Variants in ZNF614 observed in about 807,000 individuals in gnomAD.
ZNF614 encodes zinc finger protein 614.
ZNF614 carries 11 observed loss-of-function variants against 12.8 expected under a neutral mutation model. That is an observed-to-expected ratio of 0.86 (90% CI 0.54 to 1.43). ZNF614 has a LOEUF of 1.43. ZNF614 is among the 40% of genes most tolerant of loss of function. The pLI is 0.00. For missense variants in ZNF614, 664 were observed against 708.8 expected (o/e 0.94, Z 0.72); for synonymous variants, 237 against 237.5 (o/e 1.00, Z 0.02).
Position 52,016,332 on chromosome 19 carries a change from T to C in ZNF614, c.1266A>G (p.Thr422=). 6.2e-7 allele frequency: 1 copy of C among 1,610,596 alleles called. No individual in the cohort carries two copies. Residue 422 remains threonine, a synonymous_variant, in exon 5 of 5, where the codon ACA becomes ACG. Transcript: ENST00000270649. ...RTLVIHQRTH[T]GEKSYICNEC... ...CATTGCATATGTAAGATTTCTCTCCTGTATGAGTTCGCTGATGTATAACGA... is the reference window on the plus strand; with the variant it reads ...CATTGCATATGTAAGATTTCTCTCCCGTATGAGTTCGCTGATGTATAACGA...
chr19:52,016,193 A>T lies in ZNF614; in HGVS notation c.1405T>A (p.Cys469Ser), dbSNP rs758623266. The change falls in exon 5 of 5, where the codon TGC becomes AGC. Residue 469 changes from cysteine to serine, a missense_variant. Coordinates refer to ENST00000270649, the MANE Select transcript of ZNF614 (RefSeq NM_025040.4). ...ECGKAFSQKICLIQHERCHTG... is the reference protein window; with the variant it reads ...ECGKAFSQKISLIQHERCHTG... ...TGACATCTCTCATGTTGTATGAGGC[A>T]TATTTTCTGGCTGAAGGCTTTACCA... 7.4e-6 allele frequency: 12 copies of T among 1,613,922 alleles called. No individual in the cohort carries two copies. The highest frequency in any genetic ancestry group is 1.0e-5 in the Non-Finnish European group (12 of 1,179,936).
At chr19:52,018,213 C>T in intron 3 of ZNF614, 110 bp from the exon 4 acceptor site, 1 of 1,458,810 alleles carries the variant, frequency 6.9e-7, no homozygotes, top group South Asian at 1.2e-5. Context: ...AGCATTCTGT[C>T]TTAGAAGAGA....
Position 52,018,409 on chromosome 19 carries a change from C to A in ZNF614, c.101G>T (p.Arg34Leu). ...LLDTAQKNLY[R>L]DVMVENYNHL... ...GTTATAGTTCTCCACCATCACATCC[C>A]GGTACAGGTTCTTCTGAGCAGTGTC... is the stretch of plus-strand genomic sequence containing the variant. Residue 34 changes from arginine (R) to leucine (L), a missense_variant, in exon 3 of 5, where the codon CGG becomes CTG. Physicochemically the swap from Arg to Leu is moderately radical, Grantham distance 102. Transcript: ENST00000270649. The A allele has an allele frequency of 1.2e-6, 2 of 1,614,132 alleles. No individual in the cohort carries two copies. The highest frequency in any genetic ancestry group is 2.2e-5 in the South Asian group (2 of 91,074).
chr19:52,025,672 T>G, intron 2 of ZNF614, 59 bp downstream of exon 2: 3 of 1,590,188 alleles, frequency 1.9e-6, no homozygotes, highest in Non-Finnish European at 2.6e-6. Context: ...CTTCCTTAAG[T>G]TCAACTGACT....
intron 1 of ZNF614, among the ~76,000 whole-genome samples, 155 bp from the exon 2 acceptor site, chr19:52,026,116 T>C (rs985130535): frequency 2.0e-5 from 3 of 152,260 alleles, no homozygotes; most frequent in African/African-American, 7.2e-5. Flanking sequence ...GTGTGAAATC[T>C]ATGCCTTTCT....
At chr19:52,023,135 C>T (rs994002597) in intron 2 of ZNF614, among the ~76,000 whole-genome samples, 7 of 148,568 alleles carry the variant, frequency 4.7e-5, no homozygotes, top group African/African-American at 9.8e-5. Context: ...GGCGACAGAG[C>T]GAGACTCTGT....
chr19:52,017,999 C>T lies in ZNF614; in HGVS notation c.238+9G>A, dbSNP rs1432570874. On this transcript the variant is annotated intron_variant, in intron 4 of 4. Coordinates refer to ENST00000270649, the MANE Select transcript of ZNF614 (RefSeq NM_025040.4). Reference sequence around the variant, plus strand: ...CCTATAGCCACTGTCCTTGCTGGTTCTCACTTACCTGGACAATTTTTATTC... The same window carrying T: ...CCTATAGCCACTGTCCTTGCTGGTTTTCACTTACCTGGACAATTTTTATTC... 2 of 1,609,156 alleles carry T rather than the reference C, an allele frequency of 1.2e-6. No homozygotes were observed. The highest frequency in any genetic ancestry group is 1.7e-6 in the Non-Finnish European group (2 of 1,176,112).
At chr19:52,017,941 G>A (rs2086910601) in intron 4 of ZNF614, 67 bp downstream of exon 4, 14 of 1,247,914 alleles carry the variant, frequency 1.1e-5, no homozygotes, top group Non-Finnish European at 1.6e-5. Flanking sequence ...CTTCATATAT[G>A]TGACACCTTT....
intron 3 of ZNF614, 130 bp downstream of exon 3, chr19:52,018,238 G>A (rs2086912659): frequency 6.8e-7 from 1 of 1,480,646 alleles, no homozygotes; most frequent in Non-Finnish European, 9.4e-7. Flanking sequence ...ACCACTTTGG[G>A]GTCAGAGAGG....
Position 52,017,114 on chromosome 19 carries a change from C to T in ZNF614, c.484G>A (p.Glu162Lys), listed in dbSNP as rs775740811. The change falls in exon 5 of 5, where the codon GAG becomes AAG. Residue 162 changes from glutamate (E) to lysine (K), a missense_variant. Glu to Lys is a moderately conservative substitution (Grantham distance 56). Coordinates refer to ENST00000270649, the MANE Select transcript of ZNF614 (RefSeq NM_025040.4). ...TGCTTACCATGTAGAAGTGTTTTCTCACCTCCAATAAACTCAACAGGGTTA... is the reference window on the plus strand; with the variant it reads ...TGCTTACCATGTAGAAGTGTTTTCTTACCTCCAATAAACTCAACAGGGTTA... ...INNPVEFIGG[E>K]KTLLHGKHER... 1.2e-6 allele frequency: 2 copies of T among 1,614,188 alleles called. No homozygotes were observed. The highest frequency in any genetic ancestry group is 1.7e-6 in the Non-Finnish European group (2 of 1,180,026).
chr19:52,021,165 C>G (rs2123123822), intron 2 of ZNF614, among the ~76,000 whole-genome samples: 1 of 152,292 alleles, frequency 6.6e-6, no homozygotes, highest in East Asian at 1.9e-4. Flanking sequence ...AGGACCTCAA[C>G]TAAACTACCT....
chr19:52,025,832 C>T lies in ZNF614; in HGVS notation c.-87G>A. ...TTGCCATGAAGTTTTTGAAGTTTTC[C>T]TAGTCAGAAATATTAGTGTCCACTT... On this transcript the variant is annotated 5_prime_UTR_variant, in exon 2 of 5. Transcript: ENST00000270649. The T allele has an allele frequency of 6.8e-7, 1 of 1,480,926 alleles. No homozygotes were observed. Among genetic ancestry groups the T allele is most frequent in the Non-Finnish European group, 9.3e-7 (1 of 1,076,692 alleles). The allele number at this position is 1,480,926 out of a possible 1,614,324, so 91.7% of individuals were successfully genotyped here.
rs776955842 is a variant in ZNF614, at chr19:52,016,818, T to C, written c.780A>G (p.Ile260Met). The C allele has an allele frequency of 6.2e-7, 1 of 1,613,878 alleles. No individual in the cohort carries two copies. The highest frequency in any genetic ancestry group is 1.7e-5 in the Admixed American group (1 of 60,000). The stretch of plus-strand genomic sequence containing the variant: ...TAGAGCCTTTTCTATATTCATTGGG[T>C]ATACAGATTTTGTCTGTTGTATTAG... Reference protein sequence around the residue: ...LKTNTTDKICIPNEYRKGSTV... With the variant: ...LKTNTTDKICMPNEYRKGSTV... The change falls in exon 5 of 5, where the codon ATA (isoleucine) becomes ATG (methionine). Residue 260 changes from isoleucine (I) to methionine (M), a missense_variant. Physicochemically the swap from Ile to Met is conservative, Grantham distance 10. Coordinates refer to ENST00000270649, the MANE Select transcript of ZNF614 (RefSeq NM_025040.4).
Position 52,018,093 on chromosome 19 carries a change from A to G in ZNF614, c.153T>C (p.Thr51=). 6.2e-7 allele frequency: 1 copy of G among 1,613,974 alleles called. No individual in the cohort carries two copies. The highest frequency in any genetic ancestry group is 8.5e-7 in the Non-Finnish European group (1 of 1,179,886). Reference sequence around the variant, plus strand: ...ACTTGGAGAGTACATCTGGTTTGCTAGTTTGATACCCTGTTCATGAGGAAA... The same window carrying G: ...ACTTGGAGAGTACATCTGGTTTGCTGGTTTGATACCCTGTTCATGAGGAAA... The part of the protein sequence containing the change: ...YNHLVSLGYQ[T]SKPDVLSKLA... Residue 51 remains threonine (T), a synonymous_variant, in exon 4 of 5, where the codon ACT becomes ACC. Transcript: ENST00000270649.
intron 4 of ZNF614, chr19:52,017,631 G>T: frequency 2.6e-6 from 1 of 384,594 alleles, no homozygotes; most frequent in Non-Finnish European, 4.6e-6. Flanking sequence ...ATCCCAGGAG[G>T]ACGAGGTTGC....
Position 52,021,871 on chromosome 19 carries a change from A to G in ZNF614, c.16-3377T>C, listed in dbSNP as rs188800227. 3.0e-3 allele frequency among the ~76,000 whole-genome samples: 456 copies of G among 152,376 alleles called. 3 individuals are homozygous for G. Among genetic ancestry groups the G allele is most frequent in the Middle Eastern group, 0.017 (5 of 294 alleles). On this transcript the variant is annotated intron_variant, in intron 2 of 4. Coordinates refer to ENST00000270649, the MANE Select transcript of ZNF614 (RefSeq NM_025040.4). ...GTAAGACTCTAGAAAAATATTTGCA[A>G]CATATAAAAGAATCAATATCCAGTC...
chr19:52,016,140 G>C lies in ZNF614; in HGVS notation c.1458C>G (p.Thr486=), dbSNP rs200985913. Residue 486 remains threonine (T), a synonymous_variant, in exon 5 of 5, where the codon ACC becomes ACG. Transcript: ENST00000270649. ...TGTGTGAATAGGATTTTCCGCACTC[G>C]GTACATACAAAGGGAGTCTTTCCTG... ...CHTGKTPFVC[T]ECGKSYSHKY... is the part of the protein sequence containing the mutation. 3.1e-6 allele frequency: 5 copies of C among 1,614,048 alleles called. No individual in the cohort carries two copies. The East Asian group carries it at 1.1e-4, about 36-fold the overall frequency.
chr19:52,025,706 C>CA (rs1296184870), intron 2 of ZNF614, 25 bp downstream of exon 2: 2 of 1,613,470 alleles, frequency 1.2e-6, no homozygotes, highest in Admixed American at 1.7e-5. Context: ...ATAAATCTAT[C>CA]AAAAAATCAA....
chr19:52,021,975 A>G (rs1010811486), intron 2 of ZNF614, among the ~76,000 whole-genome samples: 7 of 152,226 alleles, frequency 4.6e-5, no homozygotes, highest in African/African-American at 1.4e-4. Flanking sequence ...GACAGAATAA[A>G]TAATCCAAAG....
Sources: gnomAD v4.1 joint callset for allele counts (sites outside exome capture counted in the v4.1 genomes callset) on GRCh38, gnomAD v4.1.1 for gene constraint, MANE v1.5 for transcripts, NCBI Gene and HGNC (gene_info 2026-07-23, HGNC 2026-07-21) for gene names.